Variants in EVI5 observed in about 807,000 individuals in gnomAD.
EVI5 encodes the protein ecotropic viral integration site 5 protein homolog.
A neutral mutation model predicts 112.0 loss-of-function variants in EVI5; 73 were observed. That is an observed-to-expected ratio of 0.65 (90% CI 0.54 to 0.79). The LOEUF (loss-of-function observed/expected upper bound fraction) is 0.79. EVI5 is among the 30% of genes least tolerant of loss of function. EVI5 has a pLI of 0.00. For synonymous variants in EVI5, 305 were observed against 319.9 expected, an observed-to-expected ratio of 0.95 and a Z score of 0.50; for missense variants, 900 against 968.8, an observed-to-expected ratio of 0.93 and a Z score of 0.94.
At chr1:92,772,824 T>C (rs978429611) in intron 1 of EVI5, among the ~76,000 whole-genome samples, 1 of 149,920 alleles carries the variant, frequency 6.7e-6, no homozygotes, top group Non-Finnish European at 1.5e-5. Flanking sequence ...GAGAATCACT[T>C]GAACCTGGGA....
At chr1:92,753,992 G>A (rs1680555937) in intron 1 of EVI5, among the ~76,000 whole-genome samples, 1 of 152,078 alleles carries the variant, frequency 6.6e-6, no homozygotes. Context: ...AGTCATCTAG[G>A]AAAGATTGTA....
intron 19 of EVI5, among the ~76,000 whole-genome samples, chr1:92,527,108 A>C (rs1662010289): frequency 6.6e-6 from 1 of 152,084 alleles, no homozygotes. Flanking sequence ...GTTTGAGGCT[A>C]TGTGTGTTTC....
At chr1:92,638,937 G>A (rs1249253886) in intron 13 of EVI5, among the ~76,000 whole-genome samples, 1 of 151,940 alleles carries the variant, frequency 6.6e-6, no homozygotes, top group Non-Finnish European at 1.5e-5. Flanking sequence ...CTCACATAAT[G>A]TTCTTGTATT....
chr1:92,539,474 C>T (rs947303228), intron 19 of EVI5, among the ~76,000 whole-genome samples: 41 of 144,756 alleles, frequency 2.8e-4, no homozygotes, highest in African/African-American at 1.0e-3. Flanking sequence ...ACCCGGGAGG[C>T]GGAACTAGTA....
rs565260425 is a variant in EVI5, at chr1:92,556,448, T to C, written c.2166+7194A>G. 2.6e-5 allele frequency among the ~76,000 whole-genome samples: 4 copies of C among 152,346 alleles called. No homozygotes were observed. The East Asian group carries it at 7.7e-4, about 29-fold the overall frequency. The stretch of plus-strand genomic sequence containing the variant: ...CTCACTTAAAGTTTTCCATAGGTTC[T>C]TGGAAACTGTCATTTTAAGTAAGAT... On this transcript the variant is annotated intron_variant, in intron 19 of 19. Coordinates refer to ENST00000684568, the MANE Select transcript of EVI5 (RefSeq NM_001350197.2).
intron 19 of EVI5, among the ~76,000 whole-genome samples, chr1:92,529,303 C>A (rs1358445742): frequency 6.6e-6 from 1 of 152,186 alleles, no homozygotes. Context: ...AAATATGTGA[C>A]CTACTTTGAT....
Position 92,682,740 on chromosome 1 carries a change from C to CA in EVI5, c.1098-5523dup, listed in dbSNP as rs201959523. 3.6e-3 allele frequency among the ~76,000 whole-genome samples: 543 copies of CA among 150,554 alleles called. 8 individuals carry two copies. Among genetic ancestry groups the CA allele is most frequent in the African/African-American group, 0.013 (514 of 41,074 alleles). On this transcript the variant is annotated intron_variant, in intron 9 of 19. Coordinates refer to ENST00000684568, the MANE Select transcript of EVI5 (RefSeq NM_001350197.2). ...TACTCCAGCCTGCAAGACTTCGTCT[C>CA]AAAAAAAAAGAAAGAAACAAAGGTC...
At chr1:92,641,314 C>T (rs3936945) in intron 13 of EVI5, among the ~76,000 whole-genome samples, 109,438 of 152,148 alleles carry the variant, frequency 0.72, 40,156 homozygotes, top group East Asian at 0.94. Flanking sequence ...GCCTGGTTAA[C>T]AGAACCAAAC....
At chr1:92,535,893 GAACTTACAGTATAATAAA>G (rs1663810368) in intron 19 of EVI5, among the ~76,000 whole-genome samples, 1 of 151,728 alleles carries the variant, frequency 6.6e-6, no homozygotes, top group Admixed American at 6.6e-5. Flanking sequence ...ACGTACCCCA[GAACTTACAGTATAATAAA>G]AAAAAAGAAA....
chr1:92,731,676 T>G (rs1228204190), intron 2 of EVI5, among the ~76,000 whole-genome samples: 1 of 152,166 alleles, frequency 6.6e-6, no homozygotes, highest in African/African-American at 2.4e-5. Flanking sequence ...CAAGGCAGTA[T>G]AGTGCTAGTA....
intron 13 of EVI5, among the ~76,000 whole-genome samples, chr1:92,651,146 G>A (rs947600056): frequency 2.6e-5 from 4 of 151,918 alleles, no homozygotes; most frequent in East Asian, 1.9e-4. Context: ...TACTATTATC[G>A]TACCCTCTGC....
intron 14 of EVI5, among the ~76,000 whole-genome samples, chr1:92,634,568 T>G (rs1258259765): frequency 6.6e-6 from 1 of 152,178 alleles, no homozygotes; most frequent in African/African-American, 2.4e-5. Flanking sequence ...GTTATTCTAG[T>G]TAACCATTTG....
At chr1:92,781,521 A>G (rs1348550826) in intron 1 of EVI5, among the ~76,000 whole-genome samples, 1 of 152,096 alleles carries the variant, frequency 6.6e-6, no homozygotes, top group East Asian at 1.9e-4. Flanking sequence ...TTTTTGCAAA[A>G]AGTAAAATAA....
intron 18 of EVI5, among the ~76,000 whole-genome samples, chr1:92,592,372 T>G (rs963722465): frequency 2.0e-5 from 3 of 152,182 alleles, no homozygotes; most frequent in Non-Finnish European, 4.4e-5. Flanking sequence ...TTGAAACCAA[T>G]GAGAACAAAG....
intron 9 of EVI5, among the ~76,000 whole-genome samples, chr1:92,679,255 T>G (rs1295140189): frequency 5.3e-5 from 8 of 152,008 alleles, no homozygotes. Flanking sequence ...CCCCCATAAG[T>G]GGAGAAATGG....
At chr1:92,704,175 G>A (rs1412768141) in intron 3 of EVI5, among the ~76,000 whole-genome samples, 6 of 152,068 alleles carry the variant, frequency 3.9e-5, no homozygotes, top group African/African-American at 1.4e-4. Flanking sequence ...TTAGCGAGGT[G>A]TGGTGACACA....
At chr1:92,791,839 C>T (rs1182184084) in intron 1 of EVI5, among the ~76,000 whole-genome samples, 1 of 152,080 alleles carries the variant, frequency 6.6e-6, no homozygotes, top group Non-Finnish European at 1.5e-5. Context: ...GAACTGTGTT[C>T]CCAAACACGA....
intron 13 of EVI5, among the ~76,000 whole-genome samples, chr1:92,658,925 C>T (rs1389510808): frequency 6.6e-6 from 1 of 152,060 alleles, no homozygotes; most frequent in African/African-American, 2.4e-5. Context: ...GAAATAAAGT[C>T]ACATACCTAC....
chr1:92,647,518 T>C (rs1661201677), intron 13 of EVI5: 1 of 515,300 alleles, frequency 1.9e-6, no homozygotes, highest in East Asian at 3.4e-5. Flanking sequence ...AGAGCACTTC[T>C]TGGAAAATTC....
Sources: allele counts gnomAD v4.1 joint callset (sites outside exome capture counted in the v4.1 genomes callset), GRCh38; gene constraint gnomAD v4.1.1; transcripts MANE v1.5; gene names NCBI Gene and HGNC (gene_info 2026-07-23, HGNC 2026-07-21).